MBD5: variants seen among roughly 807,000 people sequenced by gnomAD.
MBD5 encodes the protein methyl-CpG binding domain protein 5, also known as methyl-CpG-binding domain protein 5.
A neutral mutation model predicts 117.3 loss-of-function variants in MBD5; 13 were observed. The observed-to-expected ratio is 0.11, with a 90% CI of 0.07 to 0.18. MBD5 has a LOEUF of 0.18. Ranked by LOEUF, MBD5 falls within the 10% of genes least tolerant of loss-of-function variation. MBD5 has a pLI of 1.00. For synonymous variants in MBD5, 727 were observed against 766.4 expected, an observed-to-expected ratio of 0.95 and a Z score of 0.85; for missense variants, 1,879 against 2,093.8, an observed-to-expected ratio of 0.90 and a Z score of 2.00.
At chr2:148,438,268 T>C (rs777948839) in intron 4 of MBD5, among the ~76,000 whole-genome samples, 1 of 152,228 alleles carries the variant, frequency 6.6e-6, no homozygotes, top group Non-Finnish European at 1.5e-5. Flanking sequence ...TTTTCACTTC[T>C]GTGATCTTCA....
chr2:148,330,209 T>C (rs1702607143), intron 3 of MBD5, among the ~76,000 whole-genome samples: 1 of 151,784 alleles, frequency 6.6e-6, no homozygotes, highest in African/African-American at 2.4e-5. Context: ...TCTCTCTGGA[T>C]TAGCGGCATT....
chr2:148,246,754 A>G (rs1700345382), intron 3 of MBD5, among the ~76,000 whole-genome samples: 1 of 92,774 alleles, frequency 1.1e-5, no homozygotes, highest in African/African-American at 4.1e-5. Flanking sequence ...ACAGAGTGAG[A>G]CTCCATCTCA....
At position 148,458,786 on chromosome 2, in the gene MBD5, G is replaced by T; in HGVS notation, c.28G>T (p.Gly10Trp). 1 of 1,613,658 alleles carries T rather than the reference G, an allele frequency of 6.2e-7. No individual in the cohort carries two copies. The highest frequency in any genetic ancestry group is 8.5e-7 in the Non-Finnish European group (1 of 1,179,680). ...GAATGGAGGCAAAGAGTGTGACGGA[G>T]GGGACAAGGAAGGAGGTCTTCCAGC... is the stretch of plus-strand genomic sequence containing the variant. MNGGKECDG[G>W]DKEGGLPAIQ... Residue 10 changes from glycine to tryptophan, a missense_variant, in exon 5 of 14, where the codon GGG becomes TGG. Transcript: ENST00000642680.
intron 2 of MBD5, among the ~76,000 whole-genome samples, chr2:148,188,405 G>A (rs1166606200): frequency 6.6e-6 from 1 of 152,148 alleles, no homozygotes; most frequent in Non-Finnish European, 1.5e-5. Context: ...CTAGAGAACT[G>A]GCTAGGCATG....
intron 1 of MBD5, among the ~76,000 whole-genome samples, chr2:148,066,642 T>C (rs953295301): frequency 6.6e-6 from 1 of 152,054 alleles, no homozygotes; most frequent in Non-Finnish European, 1.5e-5. Context: ...CATGCCCGGC[T>C]AATTTTTTGT....
intron 4 of MBD5, among the ~76,000 whole-genome samples, chr2:148,351,737 C>T (rs1378573261): frequency 3.3e-5 from 5 of 151,966 alleles, no homozygotes; most frequent in Non-Finnish European, 2.9e-5. Context: ...GACCCTAATC[C>T]CACACTTGCT....
At chr2:148,077,681 A>G (rs1208382513) in intron 1 of MBD5, among the ~76,000 whole-genome samples, 1 of 152,144 alleles carries the variant, frequency 6.6e-6, no homozygotes, top group Non-Finnish European at 1.5e-5. Context: ...ATGGTACTCA[A>G]ATTCATAATA....
chr2:148,352,652 C>T (rs1703274207), intron 4 of MBD5, among the ~76,000 whole-genome samples: 1 of 151,978 alleles, frequency 6.6e-6, no homozygotes, highest in Non-Finnish European at 1.5e-5. Context: ...ACTATTTTCA[C>T]TCAGCATAAT....
intron 1 of MBD5, among the ~76,000 whole-genome samples, chr2:148,106,501 C>T (rs1008374120): frequency 6.6e-6 from 1 of 151,678 alleles, no homozygotes; most frequent in Non-Finnish European, 1.5e-5. Flanking sequence ...TTTTAAAAAT[C>T]CAACCTGACA....
At chr2:148,185,613 G>T (rs1698634867) in intron 2 of MBD5, among the ~76,000 whole-genome samples, 1 of 152,130 alleles carries the variant, frequency 6.6e-6, no homozygotes, top group African/African-American at 2.4e-5. Context: ...TTTTTTAAAA[G>T]ATTGATGCTC....
At chr2:148,040,912 C>T (rs1369102104) in intron 1 of MBD5, among the ~76,000 whole-genome samples, 1 of 152,016 alleles carries the variant, frequency 6.6e-6, no homozygotes, top group Non-Finnish European at 1.5e-5. Flanking sequence ...AAATAAGCCA[C>T]AAAAGCACTG....
At chr2:148,325,253 A>T (rs1263330769) in intron 3 of MBD5, among the ~76,000 whole-genome samples, 2 of 151,926 alleles carry the variant, frequency 1.3e-5, no homozygotes, top group Non-Finnish European at 2.9e-5. Context: ...TTTATTGAGG[A>T]TTTTTGCATC....
intron 3 of MBD5, among the ~76,000 whole-genome samples, chr2:148,293,417 A>T (rs2106437506): frequency 6.6e-6 from 1 of 152,308 alleles, no homozygotes; most frequent in Middle Eastern, 3.4e-3. Flanking sequence ...CAAAGGATAA[A>T]TGCCAGAGGG....
chr2:148,468,106 G>A (rs1680624217), intron 7 of MBD5, among the ~76,000 whole-genome samples: 1 of 152,134 alleles, frequency 6.6e-6, no homozygotes, highest in Non-Finnish European at 1.5e-5. Context: ...AGCAGTTACT[G>A]AGAACCTTTG....
intron 11 of MBD5, among the ~76,000 whole-genome samples, chr2:148,500,428 C>G (rs1281163277): frequency 6.6e-6 from 1 of 151,862 alleles, no homozygotes; most frequent in Non-Finnish European, 1.5e-5. Flanking sequence ...TGCACCGAGT[C>G]CCATCTGTAA....
intron 4 of MBD5, among the ~76,000 whole-genome samples, chr2:148,445,230 G>C (rs1044337288): frequency 1.3e-5 from 2 of 151,078 alleles, no homozygotes; most frequent in African/African-American, 4.9e-5. Flanking sequence ...TTGGTGTGCT[G>C]CACCCATTAA....
intron 4 of MBD5, among the ~76,000 whole-genome samples, chr2:148,358,111 T>G (rs1366649656): frequency 6.6e-6 from 1 of 152,214 alleles, no homozygotes; most frequent in African/African-American, 2.4e-5. Flanking sequence ...ACTTATTTTT[T>G]ATTTCTGTAT....
chr2:148,259,569 G>T (rs1700682117), intron 3 of MBD5, among the ~76,000 whole-genome samples: 1 of 152,206 alleles, frequency 6.6e-6, no homozygotes, highest in Admixed American at 6.5e-5. Flanking sequence ...GAGGTCCAAG[G>T]GGAGTTGGTG....
rs540792995 is a variant in MBD5 at position 148,499,472 on chromosome 2, A to G, written c.4963-2964A>G. ...TATCAGCATGAAACTGTGTGGGTAG[A>G]TGATGAGTAAAGATAAATGATAAAG... On this transcript the variant is annotated intron_variant, in intron 11 of 13. Transcript: ENST00000642680. Among the ~76,000 whole-genome samples, 5 of 152,372 alleles carry G rather than the reference A, an allele frequency of 3.3e-5. No homozygotes were observed. The South Asian group carries it at 1.0e-3, about 32-fold the overall frequency.
Sources: allele counts gnomAD v4.1 joint callset (sites outside exome capture counted in the v4.1 genomes callset), GRCh38; gene constraint gnomAD v4.1.1; transcripts MANE v1.5; gene names NCBI Gene and HGNC (gene_info 2026-07-23, HGNC 2026-07-21).